Variants in CNTN5 observed in about 807,000 individuals in gnomAD.
CNTN5 encodes contactin 5.
Under a neutral mutation model 129.1 loss-of-function variants are expected in CNTN5, and 77 were observed. That is an observed-to-expected ratio of 0.60 (90% CI 0.50 to 0.72). CNTN5 has a LOEUF of 0.72. Among genes scored for constraint, CNTN5 ranks in the 30% least tolerant of loss-of-function variants. The pLI is 0.00. For synonymous variants in CNTN5, 509 were observed against 465.6 expected, an observed-to-expected ratio of 1.09 and a Z score of -1.20; for missense variants, 1,478 against 1,328.8, an observed-to-expected ratio of 1.11 and a Z score of -1.75.
intron 1 of CNTN5, among the ~76,000 whole-genome samples, chr11:99,307,017 A>T (rs1232704745): frequency 6.6e-6 from 1 of 152,102 alleles, no homozygotes; most frequent in Non-Finnish European, 1.5e-5. Flanking sequence ...TTCTATTAGC[A>T]TTCAAATTAG....
At chr11:100,291,781 AT>A in intron 18 of CNTN5, among the ~76,000 whole-genome samples, 1 of 45,642 alleles carries the variant, frequency 2.2e-5, no homozygotes, top group African/African-American at 4.7e-5. Context: ...AAATAAATAA[AT>A]AAATAAAAAA....
chr11:99,065,525 G>T (rs1865065253), intron 1 of CNTN5, among the ~76,000 whole-genome samples: 1 of 152,186 alleles, frequency 6.6e-6, no homozygotes, highest in South Asian at 2.1e-4. Flanking sequence ...ATCTTTATCT[G>T]CAATAAAAGG....
intron 8 of CNTN5, among the ~76,000 whole-genome samples, chr11:100,001,031 C>A (rs1432513816): frequency 6.6e-6 from 1 of 152,202 alleles, no homozygotes; most frequent in East Asian, 1.9e-4. Flanking sequence ...ATGAGAGGGG[C>A]TGCTATGAAG....
chr11:99,875,994 C>A (rs927098887), intron 6 of CNTN5, among the ~76,000 whole-genome samples: 2 of 152,094 alleles, frequency 1.3e-5, no homozygotes, highest in Non-Finnish European at 2.9e-5. Context: ...ACTCTCCAGG[C>A]TGGACATTGA....
intron 2 of CNTN5, among the ~76,000 whole-genome samples, chr11:99,337,551 T>C (rs1866284274): frequency 1.3e-5 from 2 of 152,166 alleles, no homozygotes. Context: ...AGAATGACTT[T>C]AGGTGGTTTT....
chr11:99,797,423 C>A (rs888309829), intron 3 of CNTN5, among the ~76,000 whole-genome samples: 3 of 151,946 alleles, frequency 2.0e-5, no homozygotes, highest in African/African-American at 4.8e-5. Flanking sequence ...CTTTAAGAAG[C>A]CAAAAAACGT....
chr11:100,044,583 G>A (rs942210712), intron 9 of CNTN5, among the ~76,000 whole-genome samples: 7 of 151,028 alleles, frequency 4.6e-5, no homozygotes, highest in African/African-American at 1.5e-4. Context: ...GCCTAGTGAT[G>A]CTGACTAATC....
chr11:99,995,289 A>C (rs1191867554), intron 8 of CNTN5, among the ~76,000 whole-genome samples: 1 of 151,786 alleles, frequency 6.6e-6, no homozygotes, highest in Non-Finnish European at 1.5e-5. Flanking sequence ...TTGTGATAAA[A>C]ACTTTAGTGA....
At chr11:99,348,490 G>A (rs1331981022) in intron 2 of CNTN5, among the ~76,000 whole-genome samples, 3 of 152,084 alleles carry the variant, frequency 2.0e-5, no homozygotes, top group East Asian at 1.9e-4. Context: ...GGTTAAGTTC[G>A]GTAATCTGGA....
intron 1 of CNTN5, among the ~76,000 whole-genome samples, chr11:99,168,455 C>T (rs895364798): frequency 1.2e-4 from 19 of 152,200 alleles, no homozygotes; most frequent in Non-Finnish European, 1.9e-4. Flanking sequence ...AGGCATGCAC[C>T]TGTAGTCCCA....
intron 3 of CNTN5, among the ~76,000 whole-genome samples, chr11:99,668,340 A>T (rs576771566): frequency 2.0e-5 from 3 of 152,236 alleles, no homozygotes; most frequent in Admixed American, 2.0e-4. Flanking sequence ...GTGTGGTCTG[A>T]TTCAGACAGC....
chr11:99,792,927 T>C (rs1945802939), intron 3 of CNTN5, among the ~76,000 whole-genome samples: 1 of 152,192 alleles, frequency 6.6e-6, no homozygotes, highest in Admixed American at 6.5e-5. Flanking sequence ...GTGTTCATAG[T>C]AGTCTCTGAG....
Position 100,071,685 on chromosome 11 carries a change from T to A in CNTN5, c.1300-20T>A. 6.5e-7 allele frequency: 1 copy of A among 1,528,042 alleles called. No individual in the cohort carries two copies. The highest frequency in any genetic ancestry group is 8.8e-7 in the Non-Finnish European group (1 of 1,135,884). The allele number at this position is 1,528,042 out of a possible 1,614,324, so 94.7% of individuals were successfully genotyped here. On this transcript the variant is annotated intron_variant, in intron 11 of 24. Coordinates refer to ENST00000524871, the MANE Select transcript of CNTN5 (RefSeq NM_014361.4). Reference sequence around the variant, plus strand: ...TTATTTGTTTACTTTCTAGATCTAATTTTTTTAATTCCATTACAGAGTAGG... The same window carrying A: ...TTATTTGTTTACTTTCTAGATCTAAATTTTTTAATTCCATTACAGAGTAGG...
At chr11:99,859,049 GAAAC>G (rs991174464) in intron 6 of CNTN5, among the ~76,000 whole-genome samples, 6 of 152,120 alleles carry the variant, frequency 3.9e-5, no homozygotes, top group Non-Finnish European at 5.9e-5. Context: ...AAATGGAGAT[GAAAC>G]AAACATTTAT....
intron 2 of CNTN5, among the ~76,000 whole-genome samples, chr11:99,385,177 C>G (rs371849470): frequency 7.5e-6 from 1 of 132,852 alleles, no homozygotes; most frequent in Non-Finnish European, 1.7e-5. Flanking sequence ...ACTCTCTTAG[C>G]ATTTTTTCAA....
At chr11:99,469,909 T>A (rs1367081981) in intron 2 of CNTN5, among the ~76,000 whole-genome samples, 2 of 152,288 alleles carry the variant, frequency 1.3e-5, no homozygotes, top group East Asian at 3.9e-4. Context: ...TGAATAATAA[T>A]CATCATCATA....
intron 1 of CNTN5, among the ~76,000 whole-genome samples, chr11:99,022,578 T>C (rs1421264033): frequency 6.6e-6 from 1 of 152,140 alleles, no homozygotes; most frequent in African/African-American, 2.4e-5. Flanking sequence ...AAGTTTACTC[T>C]GACTCTAATC....
At position 99,845,159 on chromosome 11, in the gene CNTN5, T is replaced by G. The variant is rs61749255; in HGVS notation, c.474T>G (p.Ile158Met). ...YRYSLIDGTF[I>M]ISNPSEAKDS... ...ACAGTTTGATAGATGGCACCTTCAT[T>G]ATAAGCAATCCAAGTGAAGCAAAGG... The change falls in exon 6 of 25, where the codon ATT becomes ATG. Residue 158 changes from isoleucine to methionine, a missense_variant. Physicochemically the swap from Ile to Met is conservative, Grantham distance 10. Coordinates refer to ENST00000524871, the MANE Select transcript of CNTN5 (RefSeq NM_014361.4). 12,398 of 1,613,768 alleles carry G rather than the reference T, an allele frequency of 7.7e-3. 91 individuals are homozygous for G. Among genetic ancestry groups the G allele is most frequent in the Non-Finnish European group, 9.4e-3 (11,042 of 1,179,832 alleles).
At chr11:99,439,743 A>C (rs986331465) in intron 2 of CNTN5, among the ~76,000 whole-genome samples, 3 of 151,656 alleles carry the variant, frequency 2.0e-5, no homozygotes, top group Non-Finnish European at 4.4e-5. Context: ...AAAAAAAGAA[A>C]TATCACAAAT....
Sources: gnomAD v4.1 joint callset for allele counts (sites outside exome capture counted in the v4.1 genomes callset) on GRCh38, gnomAD v4.1.1 for gene constraint, MANE v1.5 for transcripts, NCBI Gene and HGNC (gene_info 2026-07-23, HGNC 2026-07-21) for gene names.